The following NEDD1 variants were observed in gnomAD, a reference collection of about 807,000 sequenced individuals.
NEDD1 encodes the protein NEDD1 gamma-tubulin ring complex targeting factor.
In NEDD1, 33 loss-of-function variants were observed where a neutral mutation model predicts 74.0. That is an observed-to-expected ratio of 0.45 (90% confidence interval 0.34 to 0.60). The LOEUF (loss-of-function observed/expected upper bound fraction) is 0.60, where lower values mean the gene tolerates loss of function less well. Ranked by LOEUF, NEDD1 falls within the 20% of genes least tolerant of loss-of-function variation. The pLI, the probability that NEDD1 is intolerant of heterozygous loss-of-function variation, is 0.01. For missense variants in NEDD1, 746 were observed against 776.5 expected, an observed-to-expected ratio of 0.96 and a Z score of 0.47; for synonymous variants, 250 against 264.4, an observed-to-expected ratio of 0.95 and a Z score of 0.53.
intron 6 of NEDD1, among the ~76,000 whole-genome samples, chr12:96,921,865 C>T (rs1351207073): frequency 6.6e-6 from 1 of 151,750 alleles, no homozygotes; most frequent in South Asian, 2.1e-4. Context: ...ATCCTCCTGC[C>T]TCAGTCTCCC....
intron 3 of NEDD1, among the ~76,000 whole-genome samples, chr12:96,911,738 G>A (rs1752327206): frequency 6.6e-6 from 1 of 152,096 alleles, no homozygotes; most frequent in Non-Finnish European, 1.5e-5. Flanking sequence ...GTCAAGGAAA[G>A]GGAAATGGTT....
intron 4 of NEDD1, among the ~76,000 whole-genome samples, chr12:96,915,347 A>G (rs755018130): frequency 5.0e-4 from 76 of 152,300 alleles, no homozygotes; most frequent in Non-Finnish European, 8.4e-4. Context: ...TAGCATGTTT[A>G]TAGTATTTGA....
chr12:96,923,788 T>TTGTGTG (rs10528785), intron 6 of NEDD1, among the ~76,000 whole-genome samples: 7,079 of 142,218 alleles, frequency 0.05, 267 homozygotes, highest in Admixed American at 0.12. Flanking sequence ...TAATACCTGT[T>TTGTGTG]TGTGTGTGTG....
chr12:96,930,235 T>TCG (rs1876301614), intron 6 of NEDD1, among the ~76,000 whole-genome samples: 2 of 150,896 alleles, frequency 1.3e-5, no homozygotes, highest in South Asian at 4.2e-4. Flanking sequence ...TCTCTCTCTC[T>TCG]CTCTCTCTCA....
At chr12:96,928,681 C>CTT (rs34575410) in intron 6 of NEDD1, among the ~76,000 whole-genome samples, 2,315 of 87,508 alleles carry the variant, frequency 0.026, 30 homozygotes, top group East Asian at 0.086. Flanking sequence ...TAGTGTGTTT[C>CTT]TTTTTTTTTT....
At chr12:96,931,206 C>T (rs1327133312) in intron 6 of NEDD1, among the ~76,000 whole-genome samples, 9 of 152,002 alleles carry the variant, frequency 5.9e-5, no homozygotes, top group Admixed American at 5.2e-4. Flanking sequence ...TTTATAGTGC[C>T]TAGTAAGAAA....
intron 4 of NEDD1, among the ~76,000 whole-genome samples, chr12:96,913,555 G>T (rs1874140853): frequency 6.6e-6 from 1 of 151,896 alleles, no homozygotes; most frequent in Admixed American, 6.6e-5. Context: ...TGTATTTTTA[G>T]TAGAGACGGG....
rs2136607622 is a variant in NEDD1, at chr12:96,942,574, T to C, written c.1247-3T>C. 8 of 1,439,644 alleles carry C rather than the reference T, an allele frequency of 5.6e-6. No individual in the cohort carries two copies. Among genetic ancestry groups the C allele is most frequent in the Non-Finnish European group, 6.8e-6 (7 of 1,024,780 alleles). The allele number at this position is 1,439,644 out of a possible 1,614,324, so 89.2% of individuals were successfully genotyped here. ...TAAAATTTGATTTTCTAATTTGTTA[T>C]AGATGCTGTAGTTAACAAGGGAAGT... On this transcript the variant is annotated splice_region_variant and splice_polypyrimidine_tract_variant and intron_variant, in intron 10 of 15. Transcript: ENST00000266742.
chr12:96,931,884 G>A (rs992597573), intron 6 of NEDD1, among the ~76,000 whole-genome samples: 1 of 151,870 alleles, frequency 6.6e-6, no homozygotes, highest in Non-Finnish European at 1.5e-5. Context: ...GATTATGGAT[G>A]GTTTTTCTTC....
chr12:96,907,275 G>A lies in NEDD1; in HGVS notation c.-287G>A. 3.9e-6 allele frequency: 1 copy of A among 258,542 alleles called. No individual in the cohort carries two copies. 16.0% of individuals were successfully genotyped at this position (258,542 alleles called of 1,614,324 possible). A position where few individuals can be genotyped will look rare whatever the true frequency, so the allele number is the denominator to read the frequency against. Reference sequence around the variant, plus strand: ...GAAGCCCAGCGCGGAGCCGGCCGCGGCCCCCTGTTGTGTTGCTGCGGAGAG... The same window carrying A: ...GAAGCCCAGCGCGGAGCCGGCCGCGACCCCCTGTTGTGTTGCTGCGGAGAG... On this transcript the variant is annotated 5_prime_UTR_variant, in exon 1 of 16. Coordinates refer to ENST00000266742, the MANE Select transcript of NEDD1 (RefSeq NM_152905.4).
At chr12:96,927,879 A>G (rs559035651) in intron 6 of NEDD1, among the ~76,000 whole-genome samples, 3 of 152,166 alleles carry the variant, frequency 2.0e-5, no homozygotes, top group South Asian at 4.1e-4. Context: ...CTTTTTATCT[A>G]GAAGTGGTCT....
At chr12:96,923,174 A>G (rs1433309605) in intron 6 of NEDD1, among the ~76,000 whole-genome samples, 1 of 151,936 alleles carries the variant, frequency 6.6e-6, no homozygotes, top group Non-Finnish European at 1.5e-5. Context: ...TCATCATTAC[A>G]TTTGCTTTGT....
chr12:96,908,235 G>T (rs561559018), intron 2 of NEDD1, among the ~76,000 whole-genome samples: 1 of 152,330 alleles, frequency 6.6e-6, no homozygotes, highest in East Asian at 1.9e-4. Flanking sequence ...GGAGCATAAG[G>T]AAGCACATGA....
intron 14 of NEDD1, among the ~76,000 whole-genome samples, chr12:96,947,068 T>A (rs1592933609): frequency 6.6e-6 from 1 of 152,334 alleles, no homozygotes; most frequent in African/African-American, 2.4e-5. Context: ...TTTTACTATG[T>A]CTTTTTAACT....
chr12:96,937,676 TTAA>T, intron 9 of NEDD1, among the ~76,000 whole-genome samples: 1 of 152,260 alleles, frequency 6.6e-6, no homozygotes, highest in South Asian at 2.1e-4. Context: ...TTATTCATCC[TTAA>T]TACTACTAAA....
chr12:96,916,450 C>A (rs986597833), intron 4 of NEDD1, among the ~76,000 whole-genome samples: 4 of 120,758 alleles, frequency 3.3e-5, no homozygotes, highest in Non-Finnish European at 6.8e-5. Context: ...ATTCCCCTTC[C>A]TGTGTCCATG....
At chr12:96,950,556 T>G (rs1331392301) in intron 14 of NEDD1, among the ~76,000 whole-genome samples, 2 of 151,956 alleles carry the variant, frequency 1.3e-5, no homozygotes, top group African/African-American at 4.8e-5. Flanking sequence ...ACATGAATCT[T>G]CAAAACAATA....
intron 3 of NEDD1, among the ~76,000 whole-genome samples, chr12:96,910,951 G>T (rs1873861452): frequency 6.6e-6 from 1 of 152,068 alleles, no homozygotes; most frequent in Admixed American, 6.5e-5. Flanking sequence ...AATATTAAAA[G>T]TTTTATATGA....
chr12:96,952,149 A>G lies in NEDD1; in HGVS notation c.*96A>G. 3 of 686,424 alleles carry G rather than the reference A, an allele frequency of 4.4e-6. No homozygotes were observed. Among genetic ancestry groups the G allele is most frequent in the South Asian group, 3.4e-5 (2 of 59,290 alleles). The allele number at this position is 686,424 out of a possible 1,614,324, so 42.5% of individuals were successfully genotyped here. On this transcript the variant is annotated 3_prime_UTR_variant, in exon 16 of 16. Coordinates refer to ENST00000266742, the MANE Select transcript of NEDD1 (RefSeq NM_152905.4). ...TATTGTTTTCATGGCCTCCAGGGAA[A>G]AAATGTTTTTCAAGTAAGAGTAAAA... is the stretch of plus-strand genomic sequence containing the variant.
Sources: allele counts gnomAD v4.1 joint callset (sites outside exome capture counted in the v4.1 genomes callset), GRCh38; gene constraint gnomAD v4.1.1; transcripts MANE v1.5; gene names NCBI Gene and HGNC (gene_info 2026-07-23, HGNC 2026-07-21).